MTUS1: variants seen among roughly 807,000 people sequenced by gnomAD.
The protein encoded by MTUS1 is microtubule-associated tumor suppressor 1.
Under a neutral mutation model 120.8 loss-of-function variants are expected in MTUS1, and 109 were observed. That is an observed-to-expected ratio of 0.90 (90% CI 0.77 to 1.06). The LOEUF is 1.06. Among genes scored for constraint, MTUS1 ranks in the 50% least tolerant of loss-of-function variants. The pLI is 0.00. For synonymous variants in MTUS1, 737 were observed against 550.5 expected (o/e 1.34, Z -4.74); for missense variants, 2,210 against 1,486.3 (o/e 1.49, Z -8.01).
At chr8:17,790,619 G>A (rs1347969270) in intron 1 of MTUS1, among the ~76,000 whole-genome samples, 4 of 152,126 alleles carry the variant, frequency 2.6e-5, no homozygotes, top group African/African-American at 7.2e-5. Flanking sequence ...TCGGCTTTAC[G>A]TTCTGTGATT....
At chr8:17,729,656 T>C (rs1019006930) in intron 3 of MTUS1, among the ~76,000 whole-genome samples, 2 of 152,208 alleles carry the variant, frequency 1.3e-5, no homozygotes, top group African/African-American at 4.8e-5. Flanking sequence ...ATTGATATCT[T>C]ATTAAATGCT....
chr8:17,751,248 G>A lies in MTUS1; in HGVS notation c.2091+2469C>T, dbSNP rs151085507. Among the ~76,000 whole-genome samples the A allele has an allele frequency of 6.8e-4, 104 of 152,270 alleles. 1 individual carries two copies. The East Asian group carries it at 9.7e-3, about 14-fold the overall frequency. On this transcript the variant is annotated intron_variant, in intron 2 of 14. Transcript: ENST00000693296. The stretch of plus-strand genomic sequence containing the variant: ...TGGGAGGCAGAGGTTGCAGTGAGCC[G>A]AGATCGCGCCACTGCACTCCATCCT...
At chr8:17,663,107 G>A (rs1810129269) in intron 8 of MTUS1, among the ~76,000 whole-genome samples, 1 of 152,128 alleles carries the variant, frequency 6.6e-6, no homozygotes, top group South Asian at 2.1e-4. Context: ...TGCTTTTCAA[G>A]TAATTATCAA....
rs961051006 is a variant in MTUS1 at position 17,684,496 on chromosome 8, T to C, written c.2670A>G (p.Pro890=). 6.2e-7 allele frequency: 1 copy of C among 1,614,098 alleles called. No individual in the cohort carries two copies. The highest frequency in any genetic ancestry group is 1.3e-5 in the African/African-American group (1 of 74,944). ...QKNPRSLCIQ[P]QTAPDALPPE... ...GGGGCAGCGCATCGGGAGCTGTCTG[T>C]GGCTGGATACATAAGCTTCGAGGAT... Residue 890 remains proline (P), a synonymous_variant, in exon 7 of 15, where the codon CCA becomes CCG. Transcript: ENST00000693296.
At position 17,683,506 on chromosome 8, in the gene MTUS1, G is replaced by C. The variant is rs545357164; in HGVS notation, c.2838+822C>G. 4.6e-5 allele frequency among the ~76,000 whole-genome samples: 7 copies of C among 152,162 alleles called. No individual in the cohort carries two copies. In the East Asian group the frequency reaches 1.4e-3, roughly 29 times the overall value. ...ATTTTTTCCCTATGTTGCTCAGGCT[G>C]GTCTTGAACTCCTGACCACAAGCGA... is the stretch of plus-strand genomic sequence containing the variant. On this transcript the variant is annotated intron_variant, in intron 7 of 14. Transcript: ENST00000693296.
chr8:17,709,003 G>C (rs1326512225), intron 6 of MTUS1: 1 of 152,274 alleles, frequency 6.6e-6, no homozygotes, highest in Non-Finnish European at 1.5e-5. Flanking sequence ...CGGGCATGGT[G>C]GCAGGCGTCT....
intron 3 of MTUS1, among the ~76,000 whole-genome samples, chr8:17,729,758 CAAAA>C (rs140863862): frequency 6.7e-6 from 1 of 148,776 alleles, no homozygotes; most frequent in Non-Finnish European, 1.5e-5. Flanking sequence ...TAAGAATAGC[CAAAA>C]AAAAATTTAG....
At chr8:17,765,920 G>A (rs2049451178) in intron 1 of MTUS1, among the ~76,000 whole-genome samples, 1 of 151,854 alleles carries the variant, frequency 6.6e-6, no homozygotes, top group South Asian at 2.1e-4. Flanking sequence ...CCAAAAATTG[G>A]TTCTTACTTT....
At chr8:17,717,235 A>G (rs899829817) in intron 4 of MTUS1, among the ~76,000 whole-genome samples, 1 of 152,212 alleles carries the variant, frequency 6.6e-6, no homozygotes, top group Non-Finnish European at 1.5e-5. Flanking sequence ...CCTGCTGAGA[A>G]AATTCTGTCA....
rs765290542 is a variant in MTUS1, at chr8:17,655,866, C to G, written c.3105G>C (p.Glu1035Asp). 30 of 1,614,194 alleles carry G rather than the reference C, an allele frequency of 1.9e-5. No homozygotes were observed. Among genetic ancestry groups the G allele is most frequent in the Non-Finnish European group, 2.2e-5 (26 of 1,180,002 alleles). ...EAEKYKMQLQ[E>D]QFDNLNAAHE... ...CTCTGGCTGCAAAAGCACAGACCTG[C>G]TCTTGCAATTGCATTTTGTACTTCT... The change falls in exon 9 of 15, where the codon GAG (glutamate) becomes GAC (aspartate). Residue 1035 changes from glutamate to aspartate, a missense_variant. By Grantham distance (45) the Glu-to-Asp change is conservative. Coordinates refer to ENST00000693296, the MANE Select transcript of MTUS1 (RefSeq NM_001363059.2).
chr8:17,671,983 G>A (rs916588588), intron 8 of MTUS1, among the ~76,000 whole-genome samples: 6 of 151,934 alleles, frequency 3.9e-5, no homozygotes, highest in Admixed American at 3.3e-4. Context: ...TATCACCAGC[G>A]AAAAAACCAT....
chr8:17,742,020 AGGAG>A (rs1329414634), intron 3 of MTUS1, among the ~76,000 whole-genome samples: 1 of 152,192 alleles, frequency 6.6e-6, no homozygotes, highest in African/African-American at 2.4e-5. Context: ...TTCCTCACAG[AGGAG>A]GAAGGGAGCT....
intron 2 of MTUS1, among the ~76,000 whole-genome samples, chr8:17,752,214 T>G (rs2048252433): frequency 1.5e-5 from 1 of 65,436 alleles, no homozygotes; most frequent in African/African-American, 3.1e-5. Flanking sequence ...ACAAATGTCA[T>G]TAAAGAAAAA....
intron 1 of MTUS1, among the ~76,000 whole-genome samples, chr8:17,761,258 A>C (rs1163767073): frequency 1.3e-5 from 2 of 152,228 alleles, no homozygotes; most frequent in African/African-American, 4.8e-5. Context: ...TTAGCTTAAG[A>C]AAAGTGATTG....
intron 1 of MTUS1, among the ~76,000 whole-genome samples, chr8:17,761,369 G>T (rs1446173763): frequency 6.6e-6 from 1 of 152,104 alleles, no homozygotes; most frequent in Non-Finnish European, 1.5e-5. Flanking sequence ...TCATATAATA[G>T]AATTCATCAT....
intron 6 of MTUS1, among the ~76,000 whole-genome samples, chr8:17,692,537 A>G (rs192970678): frequency 6.6e-6 from 1 of 152,308 alleles, no homozygotes; most frequent in East Asian, 1.9e-4. Flanking sequence ...ACCAAATGCG[A>G]GAACATAATT....
chr8:17,740,161 T>G (rs2047204603), intron 3 of MTUS1, among the ~76,000 whole-genome samples: 1 of 151,776 alleles, frequency 6.6e-6, no homozygotes, highest in African/African-American at 2.4e-5. Context: ...TGATCCGAGA[T>G]TGCACCATTG....
At chr8:17,723,287 G>A (rs2131109204) in intron 4 of MTUS1, 1 of 258,070 alleles carries the variant, frequency 3.9e-6, no homozygotes, top group East Asian at 9.0e-5. Context: ...AGTTATATTA[G>A]TCCTATTACA....
intron 6 of MTUS1, among the ~76,000 whole-genome samples, chr8:17,701,586 C>T (rs1031039821): frequency 3.9e-5 from 6 of 152,014 alleles, no homozygotes; most frequent in East Asian, 1.9e-4. Flanking sequence ...CTCGGTCTGT[C>T]GCCAAGGCTG....
Sources: gnomAD v4.1 joint callset for allele counts (sites outside exome capture counted in the v4.1 genomes callset) on GRCh38, gnomAD v4.1.1 for gene constraint, MANE v1.5 for transcripts, NCBI Gene and HGNC (gene_info 2026-07-23, HGNC 2026-07-21) for gene names.